The following DYNAP variants were observed in gnomAD, a reference collection of about 807,000 sequenced individuals.
DYNAP encodes dynactin-associated protein.
DYNAP carries 7 observed loss-of-function variants against 8.5 expected under a neutral mutation model. The observed-to-expected ratio is 0.82, with a 90% CI of 0.47 to 1.54. DYNAP has a LOEUF of 1.54. Among genes scored for constraint, DYNAP ranks in the 40% most tolerant of loss-of-function variants. The pLI is 0.01. For missense variants in DYNAP, 256 were observed against 224.3 expected, an observed-to-expected ratio of 1.14 and a Z score of -0.90; for synonymous variants, 77 against 77.9, an observed-to-expected ratio of 0.99 and a Z score of 0.06.
upstream of DYNAP, chr18:54,587,939 T>G (rs925681272): frequency 5.0e-6 from 2 of 400,100 alleles, no homozygotes; most frequent in South Asian, 2.5e-4. Flanking sequence ...TCTGTAGAAG[T>G]TGTTATATAT....
upstream of DYNAP, among the ~76,000 whole-genome samples, chr18:54,587,460 C>A (rs962435701): frequency 6.6e-6 from 1 of 152,068 alleles, no homozygotes; most frequent in Non-Finnish European, 1.5e-5. Context: ...TTTCATAATT[C>A]AAATTTTTTT....
At chr18:54,587,921 C>A (rs945903154), upstream of DYNAP, 11 of 400,204 alleles carry the variant, frequency 2.7e-5, no homozygotes, top group African/African-American at 1.4e-4. Flanking sequence ...TATACAGTTG[C>A]CTTTTATTCT....
upstream of DYNAP, among the ~76,000 whole-genome samples, chr18:54,587,068 G>A (rs2065800241): frequency 1.3e-5 from 2 of 152,104 alleles, no homozygotes; most frequent in Non-Finnish European, 2.9e-5. Context: ...CACATGCATA[G>A]CCTCCCCCAT....
chr18:54,590,811 C>T (rs1210348383), upstream of DYNAP, among the ~76,000 whole-genome samples: 2 of 152,084 alleles, frequency 1.3e-5, no homozygotes, highest in Non-Finnish European at 2.9e-5. Flanking sequence ...TTCCAGACAC[C>T]AACCCAGGGA....
upstream of DYNAP, chr18:54,587,912 A>G (rs535229559): frequency 4.2e-5 from 17 of 400,600 alleles, no homozygotes; most frequent in African/African-American, 2.9e-4. Flanking sequence ...CAGGTGAATT[A>G]TACAGTTGCC....
intron 2 of DYNAP, among the ~76,000 whole-genome samples, chr18:54,596,738 G>A (rs1911306174): frequency 6.6e-6 from 1 of 152,074 alleles, no homozygotes; most frequent in African/African-American, 2.4e-5. Flanking sequence ...TTTGTGTGAT[G>A]CAGTATTATA....
At chr18:54,587,375 G>A (rs1318280111), upstream of DYNAP, among the ~76,000 whole-genome samples, 4 of 152,128 alleles carry the variant, frequency 2.6e-5, no homozygotes, top group South Asian at 8.3e-4. Flanking sequence ...AACACAGCGA[G>A]GTCCTGGCTA....
In DYNAP at chr18:54,594,943, T is replaced by A. The variant is rs200729829; in HGVS notation, c.62T>A (p.Ile21Asn). 1 of 1,609,944 alleles carries A rather than the reference T, an allele frequency of 6.2e-7. No individual in the cohort carries two copies. Among genetic ancestry groups the A allele is most frequent in the Non-Finnish European group, 8.5e-7 (1 of 1,177,822 alleles). The change falls in exon 2 of 3, where the codon ATC becomes AAC. Residue 21 changes from isoleucine (I) to asparagine (N), a missense_variant. By Grantham distance (149) the Ile-to-Asn change is moderately radical. Coordinates refer to ENST00000648945, the MANE Select transcript of DYNAP (RefSeq NM_173629.3). ...NVEHSENQPPITHPNDQEAHS... is the reference protein window; with the variant it reads ...NVEHSENQPPNTHPNDQEAHS... ...ACTTCCACTCTGCCTTTGTAGCCAA[T>A]CACACATCCAAATGACCAAGAGGCT...
rs758149342 is a variant in DYNAP at position 54,598,157 on chromosome 18, A to G, written c.*12A>G. ...CCGATCATTTATAATTTGAACAGCC[A>G]TAGCCATCACTTCAACTGAAACTTC... On this transcript the variant is annotated 3_prime_UTR_variant, in exon 3 of 3. Transcript: ENST00000648945. The G allele has an allele frequency of 1.4e-5, 22 of 1,590,976 alleles. No homozygotes were observed. In the Admixed American group the frequency reaches 3.6e-4, roughly 26 times the overall value.
rs1386122146 is a variant in DYNAP at position 54,592,949 on chromosome 18, C to T, written c.57+1610C>T. On this transcript the variant is annotated intron_variant, in intron 1 of 2. Transcript: ENST00000648945. ...GCAAAGGCATTAAAATGTTCAGGTT[C>T]ATCAGCCACAAGCAAATTGGATGTA... 2.0e-5 allele frequency among the ~76,000 whole-genome samples: 3 copies of T among 152,132 alleles called. No individual in the cohort carries two copies. The East Asian group carries it at 5.8e-4, about 29-fold the overall frequency.
At chr18:54,582,836 G>C (rs915325901), upstream of DYNAP, among the ~76,000 whole-genome samples, 1 of 152,126 alleles carries the variant, frequency 6.6e-6, no homozygotes, top group East Asian at 1.9e-4. Context: ...AGCTACCCTA[G>C]CTTTCATTAT....
rs1441236425 is a variant in DYNAP, at chr18:54,597,900, G to A, written c.310G>A (p.Val104Ile). Residue 104 changes from valine to isoleucine, a missense_variant, in exon 3 of 3, where the codon GTA (valine) becomes ATA (isoleucine). Val to Ile is a conservative substitution (Grantham distance 29). Transcript: ENST00000648945. Reference protein sequence around the residue: ...LACVIMTAIGVLIICLVNNKG... With the variant: ...LACVIMTAIGILIICLVNNKG... ...CTGTGTGATAATGACAGCAATTGGA[G>A]TACTTATAATATGCTTGGTGAATAA... 1 of 1,613,618 alleles carries A rather than the reference G, an allele frequency of 6.2e-7. No homozygotes were observed. The highest frequency in any genetic ancestry group is 8.5e-7 in the Non-Finnish European group (1 of 1,179,736).
chr18:54,584,085 A>C (rs1013147998), upstream of DYNAP, among the ~76,000 whole-genome samples: 1 of 152,018 alleles, frequency 6.6e-6, no homozygotes, highest in Admixed American at 6.6e-5. Flanking sequence ...AAATTTGACA[A>C]TACTAAGTAT....
At chr18:54,578,818 A>G in the DYNAP span, among the ~76,000 whole-genome samples, 1 of 151,894 alleles carries the variant, frequency 6.6e-6, no homozygotes, top group Non-Finnish European at 1.5e-5. Context: ...TATTTTTTTG[A>G]GACAAGAGTC....
the DYNAP span, among the ~76,000 whole-genome samples, chr18:54,580,881 T>C: frequency 6.6e-6 from 1 of 152,198 alleles, no homozygotes. Context: ...TGTAATAGTT[T>C]AATAATTTTT....
chr18:54,578,392 TGTTA>T, the DYNAP span, among the ~76,000 whole-genome samples: 5 of 152,382 alleles, frequency 3.3e-5, no homozygotes, highest in South Asian at 4.1e-4. Flanking sequence ...GTGGGTCTTC[TGTTA>T]GTTCTGATAT....
upstream of DYNAP, among the ~76,000 whole-genome samples, chr18:54,583,430 A>T (rs535988718): frequency 1.3e-5 from 2 of 152,346 alleles, no homozygotes; most frequent in African/African-American, 4.8e-5. Flanking sequence ...TCTCATTGGC[A>T]GAGCCTAGGT....
rs1451384419 is a variant in DYNAP, at chr18:54,594,871, A to C, written c.58-68A>C. On this transcript the variant is annotated intron_variant, in intron 1 of 2. Transcript: ENST00000648945. ...ACTCTTAGGTACTTTTGATAGAAGA[A>C]TTTTATTTTAGCAACTCAACACCAT... 8.6e-6 allele frequency: 13 copies of C among 1,503,738 alleles called. No homozygotes were observed. In the African/African-American group the frequency reaches 1.7e-4, roughly 20 times the overall value. The allele number at this position is 1,503,738 out of a possible 1,614,324, so 93.1% of individuals were successfully genotyped here. A position where few individuals can be genotyped will look rare whatever the true frequency, so the allele number is the denominator to read the frequency against.
Position 54,595,019 on chromosome 18 carries a change from C to T in DYNAP, c.138C>T (p.Val46=), listed in dbSNP as rs768205096. ...CTTCAAATGATATAACCAGTGATGT[C>T]TCTCCCAACTTAACTGGGGTCTGCG... ...CLPSNDITSD[V]SPNLTGVCVN... Residue 46 remains valine, a synonymous_variant, in exon 2 of 3, where the codon GTC becomes GTT. Transcript: ENST00000648945. 1.2e-6 allele frequency: 2 copies of T among 1,612,900 alleles called. No homozygotes were observed. The highest frequency in any genetic ancestry group is 2.2e-5 in the East Asian group (1 of 44,844).
Sources: gnomAD v4.1 joint callset for allele counts (sites outside exome capture counted in the v4.1 genomes callset) on GRCh38, gnomAD v4.1.1 for gene constraint, MANE v1.5 for transcripts, NCBI Gene and HGNC (gene_info 2026-07-23, HGNC 2026-07-21) for gene names.